The following TMEM272 variants were observed in gnomAD, a reference collection of about 807,000 sequenced individuals.
TMEM272 encodes long intergenic non-protein coding RNA 282.
In TMEM272, 8 loss-of-function variants were observed where a neutral mutation model predicts 3.7. The ratio of observed to expected loss-of-function variants is 2.17; its 90% confidence interval spans 1.27 to 3.91. The LOEUF (loss-of-function observed/expected upper bound fraction) is 3.91, where lower values mean the gene tolerates loss of function less well. Among genes scored for constraint, TMEM272 ranks in the 30% most tolerant of loss-of-function variants. The pLI is 0.00. For synonymous variants in TMEM272, 63 were observed against 39.8 expected, an observed-to-expected ratio of 1.58 and a Z score of -2.20; for missense variants, 166 against 91.5, an observed-to-expected ratio of 1.81 and a Z score of -3.32.
chr13:51,823,844 C>G (rs1298923732), intron 3 of TMEM272, among the ~76,000 whole-genome samples: 1 of 152,184 alleles, frequency 6.6e-6, no homozygotes, highest in African/African-American at 2.4e-5. Context: ...ATACAGAGAG[C>G]CATAAATTCA....
the TMEM272 span, among the ~76,000 whole-genome samples, chr13:51,892,035 T>C: frequency 5.9e-5 from 9 of 152,194 alleles, no homozygotes; most frequent in Admixed American, 3.9e-4. Context: ...TTTCTCCCAG[T>C]GGCAATACGG....
the TMEM272 span, among the ~76,000 whole-genome samples, chr13:51,856,914 G>A: frequency 3.3e-5 from 5 of 152,140 alleles, no homozygotes; most frequent in Admixed American, 6.6e-5. Context: ...GAAGGCAAAT[G>A]GGATTATAAA....
the TMEM272 span, among the ~76,000 whole-genome samples, chr13:51,899,001 T>C: frequency 6.6e-6 from 1 of 152,278 alleles, no homozygotes; most frequent in East Asian, 1.9e-4. Flanking sequence ...TTCTAGAGAC[T>C]GTCTAGACTG....
At chr13:51,835,267 G>C (rs1034544494) in intron 2 of TMEM272, among the ~76,000 whole-genome samples, 1 of 149,646 alleles carries the variant, frequency 6.7e-6, no homozygotes, top group African/African-American at 2.5e-5. Context: ...TCTGTCACCA[G>C]GCTAGAGTGT....
chr13:51,909,979 T>C, the TMEM272 span: 1 of 1,582,070 alleles, frequency 6.3e-7, no homozygotes, highest in South Asian at 1.1e-5. Flanking sequence ...AGTTGACAAT[T>C]TTCACTCGAA....
the TMEM272 span, among the ~76,000 whole-genome samples, chr13:51,884,972 C>T: frequency 5.3e-5 from 8 of 152,338 alleles, no homozygotes; most frequent in Non-Finnish European, 1.2e-4. Flanking sequence ...TTACCACCTA[C>T]ACAACGGTCT....
chr13:51,883,476 G>C, the TMEM272 span, among the ~76,000 whole-genome samples: 3 of 152,180 alleles, frequency 2.0e-5, no homozygotes, highest in African/African-American at 7.2e-5. Context: ...GTGAGAGGGG[G>C]CCCTAAAGTG....
chr13:51,849,984 A>C (rs888791885), upstream of TMEM272, among the ~76,000 whole-genome samples: 1 of 152,158 alleles, frequency 6.6e-6, no homozygotes, highest in African/African-American at 2.4e-5. Flanking sequence ...GAAGGCCAAG[A>C]CAGGAGGATT....
the TMEM272 span, chr13:51,865,253 C>G: frequency 1.5e-6 from 1 of 686,956 alleles, no homozygotes; most frequent in Non-Finnish European, 2.4e-6. Flanking sequence ...TACATTTTCT[C>G]AAATTCAGTA....
intron 2 of TMEM272, among the ~76,000 whole-genome samples, chr13:51,830,485 A>T (rs930713312): frequency 5.3e-5 from 8 of 152,222 alleles, no homozygotes; most frequent in African/African-American, 1.9e-4. Flanking sequence ...CATTGCAAAC[A>T]TGGGCACGAT....
intron 3 of TMEM272, among the ~76,000 whole-genome samples, chr13:51,823,193 C>G (rs1053573026): frequency 2.0e-5 from 3 of 152,264 alleles, no homozygotes. Context: ...ATTCTCCCAC[C>G]TCAGCCTCCT....
chr13:51,868,643 G>GA, the TMEM272 span, among the ~76,000 whole-genome samples: 7 of 152,232 alleles, frequency 4.6e-5, no homozygotes, highest in Non-Finnish European at 1.0e-4. Flanking sequence ...CAGCAAGGCT[G>GA]AACTCCTGAG....
chr13:51,893,014 C>T, the TMEM272 span, among the ~76,000 whole-genome samples: 4 of 152,204 alleles, frequency 2.6e-5, no homozygotes, highest in Admixed American at 1.3e-4. Context: ...ATTTGTTCAG[C>T]TCTTCCCATT....
chr13:51,926,082 AGTGTGTG>A, the TMEM272 span, among the ~76,000 whole-genome samples: 1 of 150,410 alleles, frequency 6.6e-6, no homozygotes, highest in Non-Finnish European at 1.5e-5. Context: ...TGTGTCTATG[AGTGTGTG>A]GTATGTGGTG....
At chr13:51,887,828 C>T in the TMEM272 span, among the ~76,000 whole-genome samples, 1 of 152,218 alleles carries the variant, frequency 6.6e-6, no homozygotes, top group Non-Finnish European at 1.5e-5. Context: ...GAACAAGGGG[C>T]TGCTGAGAGT....
At chr13:51,911,526 G>A in the TMEM272 span, among the ~76,000 whole-genome samples, 6 of 152,190 alleles carry the variant, frequency 3.9e-5, no homozygotes, top group East Asian at 5.8e-4. Flanking sequence ...ATCACCTCCC[G>A]CGCATGCACA....
In TMEM272 at chr13:51,814,894, C is replaced by T. The variant is rs1177578504; in HGVS notation, c.*1857G>A. ...TCTTCATGCCCATGGTTGTTCACAGCTCTTTCCGCCTTTGCCAAGGCCCTC... is the reference window on the plus strand; with the variant it reads ...TCTTCATGCCCATGGTTGTTCACAGTTCTTTCCGCCTTTGCCAAGGCCCTC... On this transcript the variant is annotated 3_prime_UTR_variant, in exon 5 of 5. Coordinates refer to ENST00000629372, the MANE Select transcript of TMEM272 (RefSeq NM_001351003.2). The T allele has an allele frequency of 6.5e-6, 1 of 152,722 alleles. No homozygotes were observed. Among genetic ancestry groups the T allele is most frequent in the Non-Finnish European group, 1.5e-5 (1 of 68,128 alleles). The allele number at this position is 152,722 out of a possible 1,614,324, so 9.5% of individuals were successfully genotyped here.
chr13:51,906,641 T>C, the TMEM272 span, among the ~76,000 whole-genome samples: 107 of 152,308 alleles, frequency 7.0e-4, no homozygotes, highest in African/African-American at 2.4e-3. Context: ...GAAAATAATA[T>C]GTCCATGAGA....
the TMEM272 span, among the ~76,000 whole-genome samples, chr13:51,858,862 A>G: frequency 6.6e-6 from 1 of 152,068 alleles, no homozygotes; most frequent in African/African-American, 2.4e-5. Flanking sequence ...GCAAACAGTG[A>G]GAACTTCTCG....
Sources: gnomAD v4.1 joint callset for allele counts (sites outside exome capture counted in the v4.1 genomes callset) on GRCh38, gnomAD v4.1.1 for gene constraint, MANE v1.5 for transcripts, NCBI Gene and HGNC (gene_info 2026-07-23, HGNC 2026-07-21) for gene names.